ADH4: variants seen among roughly 807,000 people sequenced by gnomAD.
ADH4 encodes alcohol dehydrogenase 4 (class II), pi polypeptide, also known as all-trans-retinol dehydrogenase [NAD(+)] ADH4.
Under a neutral mutation model 35.2 loss-of-function variants are expected in ADH4, and 31 were observed. The observed-to-expected ratio is 0.88, with a 90% CI of 0.66 to 1.19. ADH4 has a LOEUF of 1.19. Among genes scored for constraint, ADH4 ranks in the 50% most tolerant of loss-of-function variants. The probability of loss-of-function intolerance (pLI) is 0.00; values close to 1 mark genes in which losing one functional copy is unlikely to be tolerated. For synonymous variants in ADH4, 171 were observed against 160.2 expected (o/e 1.07, Z -0.51); for missense variants, 476 against 458.3 (o/e 1.04, Z -0.35).
intron 2 of ADH4, among the ~76,000 whole-genome samples, chr4:99,142,421 C>G (rs572130929): frequency 6.6e-6 from 1 of 152,294 alleles, no homozygotes; most frequent in South Asian, 2.1e-4. Flanking sequence ...AAAGTGAATT[C>G]CTTTGTCTGA....
At chr4:99,140,693 A>C (rs6840888) in intron 3 of ADH4, among the ~76,000 whole-genome samples, 148,537 of 152,022 alleles carry the variant, frequency 0.98, 72,579 homozygotes, top group Middle Eastern at 1. Context: ...CATGGTGAAA[A>C]CCCGTCTCTA....
chr4:99,134,922 G>T (rs150965450), intron 5 of ADH4, among the ~76,000 whole-genome samples: 1 of 151,238 alleles, frequency 6.6e-6, no homozygotes, highest in African/African-American at 2.4e-5. Context: ...GGACTTTCTG[G>T]ATTACAAAGC....
At chr4:99,131,213 G>A (rs80068014) in intron 6 of ADH4, among the ~76,000 whole-genome samples, 1,865 of 152,146 alleles carry the variant, frequency 0.012, 29 homozygotes, top group African/African-American at 0.041. Context: ...CTTTTTAAAG[G>A]GATCTCAAAA....
At chr4:99,143,806 C>A (rs1013776126) in intron 1 of ADH4, among the ~76,000 whole-genome samples, 3 of 152,102 alleles carry the variant, frequency 2.0e-5, no homozygotes, top group African/African-American at 7.2e-5. Flanking sequence ...GCTTTTGATG[C>A]AGATTCTTCG....
chr4:99,126,552 T>C (rs772963441), intron 8 of ADH4, 42 bp downstream of exon 8: 3 of 1,531,258 alleles, frequency 2.0e-6, no homozygotes, highest in Non-Finnish European at 8.9e-7. Flanking sequence ...AGAATCATTG[T>C]AAACGTTTTT....
chr4:99,141,736 G>A (rs1347540533), intron 2 of ADH4, 54 bp from the exon 3 acceptor site: 48 of 1,542,654 alleles, frequency 3.1e-5, no homozygotes, highest in Non-Finnish European at 4.2e-5. Context: ...TTATTGGGCT[G>A]GATGTTACAT....
chr4:99,134,150 G>T (rs889476528), intron 5 of ADH4, among the ~76,000 whole-genome samples: 1 of 152,104 alleles, frequency 6.6e-6, no homozygotes, highest in Non-Finnish European at 1.5e-5. Context: ...ACCAGAGTCT[G>T]GGGGGATAAA....
chr4:99,140,696 C>T lies in ADH4; in HGVS notation c.262+845G>A, dbSNP rs552884960. ...CAGCCTAGCCAACATGGTGAAAACC[C>T]GTCTCTACTGAAAATACAAAATTAG... On this transcript the variant is annotated intron_variant, in intron 3 of 8. Coordinates refer to ENST00000265512, the MANE Select transcript of ADH4 (RefSeq NM_000670.5). Among the ~76,000 whole-genome samples the T allele has an allele frequency of 5.3e-5, 8 of 151,572 alleles. No individual in the cohort carries two copies. The South Asian group carries it at 1.3e-3, about 24-fold the overall frequency.
chr4:99,126,744 A>G lies in ADH4; in HGVS notation c.980-12T>C. 1.3e-6 allele frequency: 2 copies of G among 1,579,094 alleles called. No individual in the cohort carries two copies. The highest frequency in any genetic ancestry group is 2.3e-5 in the East Asian group (1 of 44,420). On this transcript the variant is annotated splice_polypyrimidine_tract_variant and intron_variant, in intron 7 of 8. Coordinates refer to ENST00000265512, the MANE Select transcript of ADH4 (RefSeq NM_000670.5). ...TACACTTTTCCAACCTGTAATGTGG[A>G]CAAAATGCAAAATAAAGACATGGCA...
chr4:99,130,093 G>T (rs1729226587), intron 6 of ADH4, among the ~76,000 whole-genome samples: 1 of 152,106 alleles, frequency 6.6e-6, no homozygotes, highest in African/African-American at 2.4e-5. Flanking sequence ...TAAAAAAATA[G>T]TGTTAAGGTT....
intron 6 of ADH4, among the ~76,000 whole-genome samples, chr4:99,130,303 TA>T (rs919912935): frequency 1.3e-5 from 2 of 152,234 alleles, no homozygotes; most frequent in African/African-American, 4.8e-5. Context: ...ATCAAAGCTC[TA>T]AAAAATTAAT....
intron 5 of ADH4, among the ~76,000 whole-genome samples, chr4:99,135,800 A>G (rs767210805): frequency 3.9e-5 from 6 of 152,192 alleles, no homozygotes; most frequent in Non-Finnish European, 5.9e-5. Context: ...TGAGTCAGGA[A>G]TAAAGATCGA....
chr4:99,125,565 T>C (rs191835130), intron 8 of ADH4, among the ~76,000 whole-genome samples: 1 of 152,348 alleles, frequency 6.6e-6, no homozygotes, highest in East Asian at 1.9e-4. Context: ...GTATTCCTTA[T>C]GGGGATATTG....
At chr4:99,127,448 A>G (rs1729136012) in intron 6 of ADH4, 104 bp from the exon 7 acceptor site, 1 of 834,972 alleles carries the variant, frequency 1.2e-6, no homozygotes, top group Non-Finnish European at 1.8e-6. Flanking sequence ...CCAACTCTGC[A>G]TGTAAGATAA....
At chr4:99,135,302 G>T (rs750983696) in intron 5 of ADH4, among the ~76,000 whole-genome samples, 7 of 152,030 alleles carry the variant, frequency 4.6e-5, no homozygotes, top group Non-Finnish European at 7.4e-5. Context: ...CGTGGTGCAT[G>T]CCTGTAATCC....
chr4:99,131,658 A>T lies in ADH4; in HGVS notation c.689T>A (p.Ile230Asn), dbSNP rs752360488. 2.5e-6 allele frequency: 4 copies of T among 1,613,994 alleles called. No homozygotes were observed. The highest frequency in any genetic ancestry group is 1.7e-5 in the Admixed American group (1 of 59,986). The change falls in exon 6 of 9, where the codon ATC becomes AAC. Residue 230 changes from isoleucine to asparagine, a missense_variant. Physicochemically the swap from Ile to Asn is moderately radical, Grantham distance 149. Coordinates refer to ENST00000265512, the MANE Select transcript of ADH4 (RefSeq NM_000670.5). ...AGASRIIGID[I>N]NSEKFVKAKA... is the part of the protein sequence containing the mutation. ...AGCCTTCACAAACTTCTCACTGTTG[A>T]TGTCAATACCTATGATTCTGGAAGC...
intron 8 of ADH4, among the ~76,000 whole-genome samples, chr4:99,125,149 C>A (rs1178399156): frequency 3.9e-5 from 6 of 152,212 alleles, no homozygotes; most frequent in African/African-American, 1.4e-4. Context: ...CCCATCCCCC[C>A]ACTTCCTTGC....
chr4:99,138,948 A>G, intron 4 of ADH4, 113 bp downstream of exon 4: 1 of 676,582 alleles, frequency 1.5e-6, no homozygotes, highest in Non-Finnish European at 2.5e-6. Flanking sequence ...ACCTAGGATT[A>G]GAATTAGTGG....
intron 8 of ADH4, among the ~76,000 whole-genome samples, chr4:99,124,679 G>C (rs557014519): frequency 6.6e-6 from 1 of 152,252 alleles, no homozygotes; most frequent in African/African-American, 2.4e-5. Context: ...GGGAATTGAG[G>C]ACCCTTACTC....
Sources: gnomAD v4.1 joint callset for allele counts (sites outside exome capture counted in the v4.1 genomes callset) on GRCh38, gnomAD v4.1.1 for gene constraint, MANE v1.5 for transcripts, NCBI Gene and HGNC (gene_info 2026-07-23, HGNC 2026-07-21) for gene names.